The following A2ML1 variants were observed in gnomAD, a reference collection of about 807,000 sequenced individuals.
The protein encoded by A2ML1 is alpha-2-macroglobulin like 1.
In A2ML1, 161 loss-of-function variants were observed where a neutral mutation model predicts 181.9. That is an observed-to-expected ratio of 0.89 (90% CI 0.78 to 1.01). The LOEUF (loss-of-function observed/expected upper bound fraction) is 1.01. A2ML1 is among the 50% of genes least tolerant of loss of function. The pLI is 0.00. For synonymous variants in A2ML1, 663 were observed against 666.8 expected (o/e 0.99, Z 0.09); for missense variants, 1,670 against 1,768.1 (o/e 0.94, Z 1.00).
Position 8,857,353 on chromosome 12 carries a change from A to G in A2ML1, c.3025+13A>G, listed in dbSNP as rs1375077633. ...TTCCTGGAAATAGGTAAGTTGGTTC[A>G]GTCTTTCTTTCTTGAACACTCTCCT... On this transcript the variant is annotated intron_variant, in intron 24 of 35. Coordinates refer to ENST00000299698, the MANE Select transcript of A2ML1 (RefSeq NM_144670.6). 1 of 1,613,648 alleles carries G rather than the reference A, an allele frequency of 6.2e-7. No individual in the cohort carries two copies. The highest frequency in any genetic ancestry group is 8.5e-7 in the Non-Finnish European group (1 of 1,179,804).
intron 21 of A2ML1, 23 bp from the exon 22 acceptor site, chr12:8,854,757 A>T (rs766464770): frequency 6.2e-7 from 1 of 1,613,840 alleles, no homozygotes; most frequent in African/African-American, 1.3e-5. Flanking sequence ...TGTTGTTTTT[A>T]TCTGTGTCTC....
chr12:8,861,085 A>T, intron 27 of A2ML1, 50 bp from the exon 28 acceptor site: 2 of 1,609,130 alleles, frequency 1.2e-6, no homozygotes, highest in Non-Finnish European at 1.7e-6. Flanking sequence ...ATTACTTGCC[A>T]TTTTTAAAGG....
At chr12:8,824,231 T>G (rs951520891) in intron 3 of A2ML1, among the ~76,000 whole-genome samples, 8 of 147,470 alleles carry the variant, frequency 5.4e-5, no homozygotes, top group East Asian at 4.0e-4. Flanking sequence ...GGTTTTTTTT[T>G]TTTTTTTTTT....
intron 7 of A2ML1, among the ~76,000 whole-genome samples, chr12:8,885,442 TTTTTA>T (rs112583107): frequency 2.6e-5 from 4 of 151,908 alleles, no homozygotes; most frequent in East Asian, 1.9e-4. Flanking sequence ...AAATAAAAGC[TTTTTA>T]TTTTATTTTA....
chr12:8,864,065 G>T, intron 29 of A2ML1, 57 bp downstream of exon 29: 2 of 1,527,302 alleles, frequency 1.3e-6, no homozygotes, highest in Non-Finnish European at 1.8e-6. Flanking sequence ...CTTGTGTGGA[G>T]ATAGAGGAAA....
rs775401210 is a variant in A2ML1, at chr12:8,861,153, G to A, written c.3358G>A (p.Gly1120Ser). 19 of 1,614,066 alleles carry A rather than the reference G, an allele frequency of 1.2e-5. No individual in the cohort carries two copies. Among genetic ancestry groups the A allele is most frequent in the Non-Finnish European group, 1.5e-5 (18 of 1,180,014 alleles). Residue 1120 changes from glycine (G) to serine (S), a missense_variant, in exon 28 of 36, where the codon GGT (glycine) becomes AGT (serine). Gly to Ser is a moderately conservative substitution (Grantham distance 56). Coordinates refer to ENST00000299698, the MANE Select transcript of A2ML1 (RefSeq NM_144670.6). ...KDVDDPMVSQ[G>S]LRCLKNSATS... ...TTTTTAGGACCCAATGGTGAGTCAG[G>A]GTCTACGGTGTCTCAAGAATTCGGC... is the stretch of plus-strand genomic sequence containing the variant.
Position 8,866,449 on chromosome 12 carries a change from G to A in A2ML1, c.3718-1393G>A, listed in dbSNP as rs1459158525. On this transcript the variant is annotated intron_variant, in intron 29 of 35. Coordinates refer to ENST00000299698, the MANE Select transcript of A2ML1 (RefSeq NM_144670.6). Reference sequence around the variant, plus strand: ...GATCACAAAATACTCCTTCTTGCTCGGTCCTGAATAATTATAATATATAAT... The same window carrying A: ...GATCACAAAATACTCCTTCTTGCTCAGTCCTGAATAATTATAATATATAAT... Among the ~76,000 whole-genome samples the A allele has an allele frequency of 3.3e-5, 5 of 151,788 alleles. No homozygotes were observed. In the South Asian group the frequency reaches 6.2e-4, roughly 19 times the overall value.
At chr12:8,832,002 G>A (rs915448665) in intron 4 of A2ML1, among the ~76,000 whole-genome samples, 7 of 152,046 alleles carry the variant, frequency 4.6e-5, no homozygotes, top group East Asian at 1.9e-4. Flanking sequence ...CGCCCGCCTC[G>A]GCCTCCCAAA....
intron 7 of A2ML1, among the ~76,000 whole-genome samples, chr12:8,884,754 T>C (rs1944905745): frequency 6.6e-6 from 1 of 152,216 alleles, no homozygotes; most frequent in Non-Finnish European, 1.5e-5. Flanking sequence ...GGTTTCACTA[T>C]GTTGGCCAGG....
rs1208939321 is a variant in A2ML1 at position 8,868,074 on chromosome 12, G to C, written c.3933+17G>C. ...TATGTGCAGGTAAGTAGAGATCCAT[G>C]AGAATGAGCGGACATTGGGAAGGAG... On this transcript the variant is annotated intron_variant, in intron 30 of 35. Transcript: ENST00000299698. 1.2e-6 allele frequency: 2 copies of C among 1,612,494 alleles called. No homozygotes were observed. Among genetic ancestry groups the C allele is most frequent in the South Asian group, 2.2e-5 (2 of 91,024 alleles).
At chr12:8,872,297 C>T (rs182886468) in intron 33 of A2ML1, among the ~76,000 whole-genome samples, 85 of 151,944 alleles carry the variant, frequency 5.6e-4, no homozygotes, top group Non-Finnish European at 1.0e-3. Flanking sequence ...TCTAAAAATT[C>T]TTTGTTTCAG....
chr12:8,862,357 C>A (rs2136937049), intron 28 of A2ML1, among the ~76,000 whole-genome samples: 1 of 152,126 alleles, frequency 6.6e-6, no homozygotes, highest in East Asian at 1.9e-4. Flanking sequence ...TGCCCGCCAC[C>A]ACACTGGCTA....
rs755364579 is a variant in A2ML1, at chr12:8,834,666, C to T, written c.467C>T (p.Ser156Phe). The change falls in exon 5 of 36, where the codon TCC (serine) becomes TTC (phenylalanine). Residue 156 changes from serine to phenylalanine, a missense_variant. Ser to Phe is a radical substitution (Grantham distance 155, BLOSUM62 -2). Coordinates refer to ENST00000299698, the MANE Select transcript of A2ML1 (RefSeq NM_144670.6). ...TTATCTGGTTTTCCTTTTCAGTACT[C>T]CATGGTGGAACTACAGGTAAGCGGA... is the stretch of plus-strand genomic sequence containing the variant. The part of the protein sequence containing the change: ...SNFVPVNDKY[S>F]MVELQDPNSN... 3 of 1,614,200 alleles carry T rather than the reference C, an allele frequency of 1.9e-6. No individual in the cohort carries two copies. Among genetic ancestry groups the T allele is most frequent in the South Asian group, 1.1e-5 (1 of 91,070 alleles).
At chr12:8,877,122 A>G (rs1300630800), downstream of A2ML1, among the ~76,000 whole-genome samples, 1 of 152,198 alleles carries the variant, frequency 6.6e-6, no homozygotes, top group Non-Finnish European at 1.5e-5. Flanking sequence ...CCGTGCAAGC[A>G]CTTCCTCAGA....
At chr12:8,855,393 G>A in intron 22 of A2ML1, 116 bp from the exon 23 acceptor site, 2 of 884,284 alleles carry the variant, frequency 2.3e-6, no homozygotes, top group East Asian at 2.4e-5. Context: ...GCATCCCAGA[G>A]AAAGCACCGA....
At chr12:8,875,690 C>T (rs1461117169) in intron 35 of A2ML1, 1 of 152,246 alleles carries the variant, frequency 6.6e-6, no homozygotes, top group East Asian at 1.9e-4. Context: ...CCGCCTACTT[C>T]AGCCTCCCAA....
intron 5 of A2ML1, among the ~76,000 whole-genome samples, 162 bp from the exon 6 acceptor site, chr12:8,835,345 G>A (rs995359398): frequency 2.6e-5 from 4 of 152,210 alleles, no homozygotes; most frequent in African/African-American, 4.8e-5. Flanking sequence ...CATAAAGAAA[G>A]TTATAAATAA....
At chr12:8,867,423 G>C (rs901630877) in intron 29 of A2ML1, among the ~76,000 whole-genome samples, 1 of 152,132 alleles carries the variant, frequency 6.6e-6, no homozygotes, top group Admixed American at 6.6e-5. Context: ...CAAGGCAGCC[G>C]GACCACCTGA....
In A2ML1 at chr12:8,874,484, C is replaced by T. The variant is rs762084101; in HGVS notation, c.4281C>T (p.Asn1427=). Residue 1427 remains asparagine (N), a synonymous_variant, in exon 34 of 36, where the codon AAC becomes AAT. Coordinates refer to ENST00000299698, the MANE Select transcript of A2ML1 (RefSeq NM_144670.6). ...TCAGCCAAAGTGTGCTGGTCACCAACTTGAAACCAGCAACCATCAAGGTCT... is the reference window on the plus strand; with the variant it reads ...TCAGCCAAAGTGTGCTGGTCACCAATTTGAAACCAGCAACCATCAAGGTCT... The part of the protein sequence containing the change: ...FTISQSVLVT[N]LKPATIKVYD... The T allele has an allele frequency of 1.4e-5, 23 of 1,614,110 alleles. No individual in the cohort carries two copies. The highest frequency in any genetic ancestry group is 1.9e-5 in the Non-Finnish European group (22 of 1,179,998).
Sources: allele counts gnomAD v4.1 joint callset (sites outside exome capture counted in the v4.1 genomes callset), GRCh38; gene constraint gnomAD v4.1.1; transcripts MANE v1.5; gene names NCBI Gene and HGNC (gene_info 2026-07-23, HGNC 2026-07-21).